The following ATG16L1 variants were observed in gnomAD, a reference collection of about 807,000 sequenced individuals.
ATG16L1 encodes autophagy-related protein 16-1.
A neutral mutation model predicts 88.5 loss-of-function variants in ATG16L1; 37 were observed. That is an observed-to-expected ratio of 0.42 (90% confidence interval 0.32 to 0.55). The LOEUF (loss-of-function observed/expected upper bound fraction) is 0.55, where lower values mean the gene tolerates loss of function less well. ATG16L1 is among the 20% of genes least tolerant of loss of function. ATG16L1 has a pLI of 0.13. For synonymous variants in ATG16L1, 301 were observed against 281.0 expected (o/e 1.07, Z -0.71); for missense variants, 554 against 752.8 (o/e 0.74, Z 3.09).
In ATG16L1 at chr2:233,269,140, T is replaced by C. The variant is rs75057276; in HGVS notation, c.642-862T>C. ...TTAAAAATTTGTCACAGCCAAGACT[T>C]CTATGTCAAGCTTTAGTAAATTAAA... On this transcript the variant is annotated intron_variant, in intron 5 of 17. Transcript: ENST00000392017. Among the ~76,000 whole-genome samples, 821 of 152,338 alleles carry C rather than the reference T, an allele frequency of 5.4e-3. 5 individuals carry two copies. The highest frequency in any genetic ancestry group is 0.019 in the African/African-American group (785 of 41,566).
intron 4 of ATG16L1, 35 bp from the exon 5 acceptor site, chr2:233,264,857 G>A (rs12994997): frequency 0.49 from 797,004 of 1,610,478 alleles, 202,772 homozygotes; most frequent in Middle Eastern, 0.54. Context: ...GGGCTCTGGC[G>A]AGGTACTATT....
intron 3 of ATG16L1, among the ~76,000 whole-genome samples, 199 bp from the exon 4 acceptor site, chr2:233,263,793 C>T (rs1022771997): frequency 2.0e-5 from 3 of 152,196 alleles, no homozygotes; most frequent in Non-Finnish European, 4.4e-5. Context: ...TCACCTGGAA[C>T]ACTTCTCATT....
At chr2:233,293,449 G>A (rs925894876) in intron 17 of ATG16L1, 92 bp downstream of exon 17, 38 of 1,184,504 alleles carry the variant, frequency 3.2e-5, no homozygotes, top group African/African-American at 4.5e-5. Context: ...CTCAGTCGGC[G>A]CTGTGAGGGC....
At chr2:233,293,436 G>A (rs1699600775) in intron 17 of ATG16L1, 79 bp downstream of exon 17, 1 of 1,335,582 alleles carries the variant, frequency 7.5e-7, no homozygotes. Context: ...ATCCGGTTTA[G>A]ACCTCAGTCG....
At chr2:233,271,731 AT>A (rs1698009490) in intron 6 of ATG16L1, among the ~76,000 whole-genome samples, 1 of 152,272 alleles carries the variant, frequency 6.6e-6, no homozygotes, top group South Asian at 2.1e-4. Flanking sequence ...ATAAAATTCT[AT>A]TTTCAACAGG....
chr2:233,255,241 C>T (rs1365102912), intron 1 of ATG16L1, among the ~76,000 whole-genome samples: 1 of 152,236 alleles, frequency 6.6e-6, no homozygotes. Flanking sequence ...GCTGCGATTA[C>T]AGGCGTGAGC....
At chr2:233,275,727 G>A in intron 9 of ATG16L1, 1 of 518,978 alleles carries the variant, frequency 1.9e-6, no homozygotes, top group South Asian at 1.4e-5. Context: ...CACCTGCAGA[G>A]GTCGATGATG....
intron 2 of ATG16L1, among the ~76,000 whole-genome samples, chr2:233,261,244 C>T (rs1202657882): frequency 1.3e-5 from 2 of 152,172 alleles, no homozygotes; most frequent in African/African-American, 2.4e-5. Context: ...CTTGAGCCAC[C>T]GCTCCCGGCC....
At position 233,251,726 on chromosome 2, in the gene ATG16L1, A is replaced by G. The variant is rs1295911629; in HGVS notation, c.-102A>G. The G allele has an allele frequency of 9.6e-7, 1 of 1,043,722 alleles. No homozygotes were observed. Among genetic ancestry groups the G allele is most frequent in the Admixed American group, 2.0e-5 (1 of 49,576 alleles). The allele number at this position is 1,043,722 out of a possible 1,614,324, so 64.7% of individuals were successfully genotyped here. Reference sequence around the variant, plus strand: ...CCAGTGTGTGGAGGTGAGCTCCGGGATTGCCGGCATTCCCGCTTCTGCTGG... The same window carrying G: ...CCAGTGTGTGGAGGTGAGCTCCGGGGTTGCCGGCATTCCCGCTTCTGCTGG... On this transcript the variant is annotated 5_prime_UTR_variant, in exon 1 of 18. Coordinates refer to ENST00000392017, the MANE Select transcript of ATG16L1 (RefSeq NM_030803.7).
At chr2:233,288,657 T>C (rs1410813572) in intron 12 of ATG16L1, 1 of 430,752 alleles carries the variant, frequency 2.3e-6, no homozygotes, top group Admixed American at 2.5e-5. Flanking sequence ...AGAAAAATGT[T>C]GATCATGCAC....
At chr2:233,273,922 C>A in intron 8 of ATG16L1, 145 bp downstream of exon 8, 2 of 1,527,502 alleles carry the variant, frequency 1.3e-6, no homozygotes, top group East Asian at 2.4e-5. Flanking sequence ...CATTTAGCTT[C>A]TTCCTTTTTT....
Position 233,264,978 on chromosome 2 carries a change from A to G in ATG16L1, c.476A>G (p.Asn159Ser), listed in dbSNP as rs752171225. ...AAGCTTTGTGACCTTGAAAGAGCCA[A>G]CCAGACCCTGAAGGATGAATATGAT... ...RTKLCDLERA[N>S]QTLKDEYDAL... The change falls in exon 5 of 18, where the codon AAC becomes AGC. Residue 159 changes from asparagine (N) to serine (S), a missense_variant. Asn to Ser is a conservative substitution (Grantham distance 46). This residue lies in a region of ATG16L1 where 22 missense variants were observed against 54.5 expected (regional missense o/e 0.40). Transcript: ENST00000392017. 3.1e-6 allele frequency: 5 copies of G among 1,614,066 alleles called. No individual in the cohort carries two copies. Among genetic ancestry groups the G allele is most frequent in the African/African-American group, 1.3e-5 (1 of 74,942 alleles).
intron 12 of ATG16L1, 104 bp downstream of exon 12, chr2:233,282,857 A>AT (rs772246364): frequency 7.7e-5 from 74 of 955,560 alleles, no homozygotes; most frequent in Non-Finnish European, 1.1e-4. Flanking sequence ...TTTCCCAAAA[A>AT]TCATGCTTGA....
At position 233,273,011 on chromosome 2, in the gene ATG16L1, A is replaced by G. The variant is rs1348942778; in HGVS notation, c.753A>G (p.Thr251=). 6 of 1,614,038 alleles carry G rather than the reference A, an allele frequency of 3.7e-6. No individual in the cohort carries two copies. The highest frequency in any genetic ancestry group is 5.1e-6 in the Non-Finnish European group (6 of 1,179,994). Reference sequence around the variant, plus strand: ...TTGTGGATGAAACTTCTGATCACACAGAAGAGACCTCTCCTGTGCGAGCCA... The same window carrying G: ...TTGTGGATGAAACTTCTGATCACACGGAAGAGACCTCTCCTGTGCGAGCCA... The part of the protein sequence containing the change: ...EVIVDETSDH[T]EETSPVRAIS... The change falls in exon 7 of 18, where the codon ACA becomes ACG. Residue 251 remains threonine, a synonymous_variant. Coordinates refer to ENST00000392017, the MANE Select transcript of ATG16L1 (RefSeq NM_030803.7).
At chr2:233,280,339 C>G (rs950538134) in intron 10 of ATG16L1, among the ~76,000 whole-genome samples, 13 of 152,308 alleles carry the variant, frequency 8.5e-5, no homozygotes, top group Middle Eastern at 3.4e-3. Context: ...GGAATTTAAT[C>G]AAATCATTGA....
At position 233,259,490 on chromosome 2, in the gene ATG16L1, G is replaced by C. The variant is rs1030019839; in HGVS notation, c.209+3295G>C. On this transcript the variant is annotated intron_variant, in intron 2 of 17. Coordinates refer to ENST00000392017, the MANE Select transcript of ATG16L1 (RefSeq NM_030803.7). ...CAGTTATTGTAGTGAGCCACAGTCA[G>C]TTATTATTTATAAGGAAGCTATTGG... Among the ~76,000 whole-genome samples the C allele has an allele frequency of 2.0e-5, 3 of 152,292 alleles. No individual in the cohort carries two copies. In the East Asian group the frequency reaches 5.8e-4, roughly 29 times the overall value.
intron 1 of ATG16L1, among the ~76,000 whole-genome samples, chr2:233,253,017 A>G (rs1241278056): frequency 6.6e-6 from 1 of 152,210 alleles, no homozygotes; most frequent in African/African-American, 2.4e-5. Flanking sequence ...AAAAATTACA[A>G]ATCCCAAGCC....
At position 233,289,408 on chromosome 2, in the gene ATG16L1, T is replaced by TGTGTGTGTGTGTGTGTGAGAGAGAGA. The variant is rs144316394; in HGVS notation, c.1204-445_1204-444insTGTGTGTGTGTGTGTGAGAGAGAGAG. On this transcript the variant is annotated intron_variant, in intron 12 of 17. Transcript: ENST00000392017. ...GTGTGTGTGTGTGTGTGTGTGTGTG[T>TGTGTGTGTGTGTGTGTGAGAGAGAGA]GACAGGATCTTGCTATCACTCAGGT... 6.1e-3 allele frequency among the ~76,000 whole-genome samples: 909 copies of TGTGTGTGTGTGTGTGTGAGAGAGAGA among 149,592 alleles called. 8 individuals are homozygous for TGTGTGTGTGTGTGTGTGAGAGAGAGA. The highest frequency in any genetic ancestry group is 9.2e-3 in the Non-Finnish European group (621 of 67,604).
At chr2:233,252,365 C>T (rs1398872744) in intron 1 of ATG16L1, among the ~76,000 whole-genome samples, 1 of 152,076 alleles carries the variant, frequency 6.6e-6, no homozygotes, top group African/African-American at 2.4e-5. Context: ...CCTTACTCCA[C>T]CTTGGTGGTT....
Sources: gnomAD v4.1 joint callset for allele counts (sites outside exome capture counted in the v4.1 genomes callset) on GRCh38, gnomAD v4.1.1 for gene constraint, gnomAD v4.1.1 regional missense constraint, MANE v1.5 for transcripts, NCBI Gene and HGNC (gene_info 2026-07-23, HGNC 2026-07-21) for gene names.